The following MAP4K3 variants were observed in gnomAD, a reference collection of about 807,000 sequenced individuals.
The protein encoded by MAP4K3 is MAPK/ERK kinase kinase kinase 3.
In MAP4K3, 94 loss-of-function variants were observed where a neutral mutation model predicts 143.5. That is an observed-to-expected ratio of 0.65 (90% CI 0.55 to 0.78). MAP4K3 has a LOEUF of 0.78. Ranked by LOEUF, MAP4K3 falls within the 30% of genes least tolerant of loss-of-function variation. MAP4K3 has a pLI of 0.00. For missense variants in MAP4K3, 1,077 were observed against 1,068.1 expected, an observed-to-expected ratio of 1.01 and a Z score of -0.12; for synonymous variants, 416 against 347.2, an observed-to-expected ratio of 1.20 and a Z score of -2.20.
intron 12 of MAP4K3, among the ~76,000 whole-genome samples, chr2:39,319,050 C>T (rs933734340): frequency 1.3e-5 from 2 of 152,062 alleles, no homozygotes; most frequent in Non-Finnish European, 2.9e-5. Context: ...TCCAGCAATG[C>T]TGCTAAACAT....
intron 5 of MAP4K3, 62 bp downstream of exon 5, chr2:39,337,464 G>T: frequency 8.2e-7 from 1 of 1,220,786 alleles, no homozygotes; most frequent in Non-Finnish European, 1.2e-6. Flanking sequence ...AACAGGTAAT[G>T]CACAGTAAGT....
intron 27 of MAP4K3, 76 bp from the exon 28 acceptor site, chr2:39,265,382 C>T: frequency 2.2e-6 from 2 of 912,224 alleles, no homozygotes; most frequent in Non-Finnish European, 3.6e-6. Context: ...CTCAAAAAAA[C>T]AAACAAAACT....
At chr2:39,413,036 C>T (rs1667272926) in intron 1 of MAP4K3, among the ~76,000 whole-genome samples, 1 of 152,296 alleles carries the variant, frequency 6.6e-6, no homozygotes, top group South Asian at 2.1e-4. Flanking sequence ...ACTGAAGTGA[C>T]TAACGAGGAG....
chr2:39,388,731 AG>A (rs773210230), intron 1 of MAP4K3, among the ~76,000 whole-genome samples: 4 of 152,222 alleles, frequency 2.6e-5, no homozygotes, highest in Non-Finnish European at 4.4e-5. Context: ...AGTAGAGCAT[AG>A]GGTTAAAATT....
At chr2:39,362,652 G>A (rs1665803080) in intron 2 of MAP4K3, among the ~76,000 whole-genome samples, 1 of 152,104 alleles carries the variant, frequency 6.6e-6, no homozygotes, top group South Asian at 2.1e-4. Flanking sequence ...AATGTAATCT[G>A]GAGAACAAAC....
chr2:39,280,550 A>G (rs1180790063), intron 22 of MAP4K3, among the ~76,000 whole-genome samples, 194 bp from the exon 23 acceptor site: 1 of 152,120 alleles, frequency 6.6e-6, no homozygotes, highest in Non-Finnish European at 1.5e-5. Flanking sequence ...ACAAGTTTCC[A>G]GGTGCCACAA....
intron 12 of MAP4K3, among the ~76,000 whole-genome samples, chr2:39,322,443 G>A (rs554610252): frequency 7.9e-5 from 12 of 151,994 alleles, no homozygotes; most frequent in African/African-American, 2.9e-4. Flanking sequence ...TATAGGAGAC[G>A]AAAACTGAAT....
chr2:39,308,364 T>C (rs1364970529), intron 14 of MAP4K3, among the ~76,000 whole-genome samples: 1 of 152,166 alleles, frequency 6.6e-6, no homozygotes. Context: ...GGTATTACAA[T>C]ATGATCATTT....
Position 39,282,550 on chromosome 2 carries a change from G to C in MAP4K3, c.1592C>G (p.Pro531Arg). 1 of 1,610,302 alleles carries C rather than the reference G, an allele frequency of 6.2e-7. No homozygotes were observed. The highest frequency in any genetic ancestry group is 1.1e-5 in the South Asian group (1 of 90,404). ...TGTTGGAGGAAGACCATTACTAATA[G>C]GCTTCTAGAAAAAGAACACATGTAT... ...SRKEKKDVPK[P>R]ISNGLPPTPK... The change falls in exon 22 of 34, where the codon CCT (proline) becomes CGT (arginine). Residue 531 changes from proline (P) to arginine (R), a missense_variant. Pro to Arg is a moderately radical substitution (Grantham distance 103). Around this residue, in one of 2 missense-constraint regions of MAP4K3, gnomAD observed 864 missense variants for 801.2 expected, o/e 1.08. Transcript: ENST00000263881.
chr2:39,291,868 G>A (rs896919743), intron 18 of MAP4K3, among the ~76,000 whole-genome samples: 2 of 152,106 alleles, frequency 1.3e-5, no homozygotes, highest in Non-Finnish European at 2.9e-5. Flanking sequence ...GAGCAAGCAA[G>A]ACCCTTTCTC....
intron 1 of MAP4K3, among the ~76,000 whole-genome samples, chr2:39,426,853 C>A (rs1316630924): frequency 1.3e-5 from 2 of 151,642 alleles, no homozygotes; most frequent in Admixed American, 1.3e-4. Context: ...AGAACTATAA[C>A]AAAGTTAAAG....
intron 4 of MAP4K3, among the ~76,000 whole-genome samples, chr2:39,341,398 C>A (rs549560692): frequency 7.6e-4 from 116 of 152,220 alleles, no homozygotes; most frequent in African/African-American, 2.6e-3. Flanking sequence ...GTAGCTCATG[C>A]CTGTAATCCT....
intron 1 of MAP4K3, among the ~76,000 whole-genome samples, chr2:39,429,242 A>C (rs532441553): frequency 6.6e-6 from 1 of 152,140 alleles, no homozygotes; most frequent in East Asian, 1.9e-4. Flanking sequence ...ATTATGTTTC[A>C]CTGCAATATT....
At chr2:39,340,301 T>C (rs1665103437) in intron 4 of MAP4K3, among the ~76,000 whole-genome samples, 1 of 152,166 alleles carries the variant, frequency 6.6e-6, no homozygotes, top group Non-Finnish European at 1.5e-5. Flanking sequence ...CAAAGATTAT[T>C]ACACATTGCC....
intron 1 of MAP4K3, among the ~76,000 whole-genome samples, chr2:39,401,860 A>G (rs1666963088): frequency 6.6e-6 from 1 of 152,228 alleles, no homozygotes; most frequent in African/African-American, 2.4e-5. Context: ...CACCACAGAA[A>G]AAAGCCCTAG....
chr2:39,390,936 G>A (rs1403239919), intron 1 of MAP4K3, among the ~76,000 whole-genome samples: 1 of 152,138 alleles, frequency 6.6e-6, no homozygotes, highest in Non-Finnish European at 1.5e-5. Context: ...CATCTCTTGA[G>A]TAATGACCTT....
intron 2 of MAP4K3, among the ~76,000 whole-genome samples, chr2:39,363,601 G>A (rs1194393090): frequency 1.4e-5 from 2 of 147,906 alleles, no homozygotes; most frequent in Non-Finnish European, 3.0e-5. Context: ...CCCAGGAGGT[G>A]GAGGTTGCAG....
chr2:39,396,896 T>C (rs537937528), intron 1 of MAP4K3, among the ~76,000 whole-genome samples: 12 of 152,356 alleles, frequency 7.9e-5, no homozygotes, highest in African/African-American at 2.9e-4. Flanking sequence ...CTAAGGTAAA[T>C]ACATCTCAAT....
At chr2:39,273,407 T>G (rs933951737) in intron 24 of MAP4K3, among the ~76,000 whole-genome samples, 70 of 152,186 alleles carry the variant, frequency 4.6e-4, no homozygotes, top group Non-Finnish European at 9.0e-4. Flanking sequence ...GACTGAAGTT[T>G]GAGAGCCACT....
Sources: allele counts gnomAD v4.1 joint callset (sites outside exome capture counted in the v4.1 genomes callset), GRCh38; gene constraint gnomAD v4.1.1; regional missense constraint gnomAD v4.1.1; transcripts MANE v1.5; gene names NCBI Gene and HGNC (gene_info 2026-07-23, HGNC 2026-07-21).